SLC39A11: variants seen among roughly 807,000 people sequenced by gnomAD.
The protein encoded by SLC39A11 is solute carrier family 39 member 11, also known as zinc transporter ZIP11.
In SLC39A11, 33 loss-of-function variants were observed where a neutral mutation model predicts 36.1. That is an observed-to-expected ratio of 0.91 (90% CI 0.69 to 1.22). The LOEUF is 1.22. SLC39A11 is among the 50% of genes most tolerant of loss of function. The pLI, the probability that SLC39A11 is intolerant of heterozygous loss-of-function variation, is 0.00. For synonymous variants in SLC39A11, 166 were observed against 170.3 expected, an observed-to-expected ratio of 0.97 and a Z score of 0.20; for missense variants, 432 against 430.3, an observed-to-expected ratio of 1.00 and a Z score of -0.03.
chr17:73,087,988 C>A (rs938839545), intron 2 of SLC39A11, among the ~76,000 whole-genome samples: 24 of 152,234 alleles, frequency 1.6e-4, no homozygotes, highest in Admixed American at 1.1e-3. Flanking sequence ...ACGCATAGTA[C>A]CACTTGCTCC....
chr17:73,032,154 A>G (rs2058757835), intron 3 of SLC39A11, among the ~76,000 whole-genome samples: 1 of 152,038 alleles, frequency 6.6e-6, no homozygotes, highest in Admixed American at 6.6e-5. Flanking sequence ...CCCTGACAAC[A>G]AAGAATTATC....
chr17:72,967,383 A>AGAGAGAGAGAGAGAGG (rs1446616363), intron 4 of SLC39A11, among the ~76,000 whole-genome samples: 3 of 146,310 alleles, frequency 2.1e-5, no homozygotes. Flanking sequence ...AGAGAGAGAG[A>AGAGAGAGAGAGAGAGG]GAGAGAGAGA....
intron 6 of SLC39A11, among the ~76,000 whole-genome samples, chr17:72,783,636 G>A (rs1382148820): frequency 6.6e-6 from 1 of 152,202 alleles, no homozygotes; most frequent in African/African-American, 2.4e-5. Flanking sequence ...CGTATGGATG[G>A]TGTGAAGCCG....
chr17:72,955,849 G>T (rs889650999), intron 4 of SLC39A11, among the ~76,000 whole-genome samples: 1 of 152,118 alleles, frequency 6.6e-6, no homozygotes, highest in Non-Finnish European at 1.5e-5. Flanking sequence ...GGTGCACAGA[G>T]GGGAAGAAAA....
chr17:72,985,046 G>A (rs1405686368), intron 4 of SLC39A11, among the ~76,000 whole-genome samples: 1 of 152,196 alleles, frequency 6.6e-6, no homozygotes. Flanking sequence ...CACACTAGGA[G>A]GCCCAGCCGG....
intron 1 of SLC39A11, chr17:73,091,718 G>T (rs2060929905): frequency 1.3e-5 from 2 of 152,164 alleles, no homozygotes; most frequent in Non-Finnish European, 2.9e-5. Flanking sequence ...AATTCCTCAC[G>T]ATGGGGATAT....
At chr17:72,929,287 A>T (rs1281204674) in intron 5 of SLC39A11, among the ~76,000 whole-genome samples, 1 of 152,176 alleles carries the variant, frequency 6.6e-6, no homozygotes, top group Non-Finnish European at 1.5e-5. Flanking sequence ...TACTACAGGC[A>T]CTTAGGGGCT....
intron 3 of SLC39A11, among the ~76,000 whole-genome samples, chr17:73,073,260 G>C (rs1406058952): frequency 1.3e-5 from 2 of 152,234 alleles, no homozygotes; most frequent in Non-Finnish European, 2.9e-5. Context: ...AGAGTGTGGA[G>C]TGCCAGTGTC....
At position 72,740,227 on chromosome 17, in the gene SLC39A11, T is replaced by C. The variant is rs1448092467; in HGVS notation, c.602-3508A>G. ...ACAGGCGCCCGCCACCACGCCTGGC[T>C]AATTTTTTGTATTTTTTAGTAGAGA... On this transcript the variant is annotated intron_variant, in intron 6 of 9. Coordinates refer to ENST00000255559, the MANE Select transcript of SLC39A11 (RefSeq NM_139177.4). Among the ~76,000 whole-genome samples, 4 of 151,846 alleles carry C rather than the reference T, an allele frequency of 2.6e-5. No individual in the cohort carries two copies. The South Asian group carries it at 8.3e-4, about 32-fold the overall frequency.
intron 6 of SLC39A11, among the ~76,000 whole-genome samples, chr17:72,768,275 T>C (rs981400664): frequency 6.6e-6 from 1 of 152,216 alleles, no homozygotes; most frequent in Non-Finnish European, 1.5e-5. Flanking sequence ...CACAAGGCAG[T>C]TGAGTTTCGG....
intron 6 of SLC39A11, among the ~76,000 whole-genome samples, chr17:72,744,654 G>C (rs1230030390): frequency 1.3e-5 from 2 of 152,094 alleles, no homozygotes; most frequent in Admixed American, 6.6e-5. Flanking sequence ...CTAGCTTCCT[G>C]GTTCACAGAC....
intron 6 of SLC39A11, among the ~76,000 whole-genome samples, chr17:72,741,441 A>C (rs1009615018): frequency 2.6e-5 from 4 of 152,122 alleles, no homozygotes; most frequent in Non-Finnish European, 5.9e-5. Context: ...AACTTTTTAT[A>C]ATTTGTGTAT....
At chr17:72,784,692 C>T (rs1422263286) in intron 6 of SLC39A11, among the ~76,000 whole-genome samples, 2 of 151,828 alleles carry the variant, frequency 1.3e-5, no homozygotes, top group African/African-American at 2.4e-5. Context: ...ACCTCCCCTC[C>T]CCTCTTTCTC....
intron 5 of SLC39A11, among the ~76,000 whole-genome samples, chr17:72,911,711 T>C (rs68074386): frequency 0.22 from 33,931 of 152,092 alleles, 4,644 homozygotes; most frequent in Non-Finnish European, 0.32. Context: ...TGGTGTGATC[T>C]CAGCTCACTG....
At chr17:72,716,182 C>A (rs547689931) in intron 7 of SLC39A11, among the ~76,000 whole-genome samples, 1 of 152,214 alleles carries the variant, frequency 6.6e-6, no homozygotes, top group Non-Finnish European at 1.5e-5. Flanking sequence ...TGGGCAGAGG[C>A]CCCTGGCAGA....
chr17:73,013,038 A>T (rs1018166756), intron 4 of SLC39A11, among the ~76,000 whole-genome samples: 3 of 151,564 alleles, frequency 2.0e-5, no homozygotes, highest in Non-Finnish European at 4.4e-5. Flanking sequence ...ACCTCAGGTG[A>T]TCCACCTGCC....
chr17:72,735,226 C>T (rs188857965), intron 7 of SLC39A11, among the ~76,000 whole-genome samples: 12 of 152,258 alleles, frequency 7.9e-5, no homozygotes, highest in Admixed American at 5.9e-4. Context: ...GGAGCAGGCA[C>T]GCTTCTTAAC....
Position 72,875,091 on chromosome 17 carries a change from A to T in SLC39A11, c.431-25287T>A, listed in dbSNP as rs546297784. On this transcript the variant is annotated intron_variant, in intron 5 of 9. Coordinates refer to ENST00000255559, the MANE Select transcript of SLC39A11 (RefSeq NM_139177.4). ...TAAATCACAGCAAAGAGAGAAAAAG[A>T]GGAGACAGGGTTATTTTGGGAAGAA... Among the ~76,000 whole-genome samples the T allele has an allele frequency of 4.6e-5, 7 of 152,342 alleles. No individual in the cohort carries two copies. In the East Asian group the frequency reaches 1.3e-3, roughly 29 times the overall value.
In SLC39A11 at chr17:72,911,418, TA is replaced by T. The variant is rs75157228; in HGVS notation, c.430+36333del. Among the ~76,000 whole-genome samples, 48 of 132,076 alleles carry T rather than the reference TA, an allele frequency of 3.6e-4. No individual in the cohort carries two copies. In the East Asian group the frequency reaches 4.9e-3, roughly 14 times the overall value. 86.6% of individuals were successfully genotyped at this position (132,076 alleles called of 152,430 possible). A position where few individuals can be genotyped will look rare whatever the true frequency, so the allele number is the denominator to read the frequency against. On this transcript the variant is annotated intron_variant, in intron 5 of 9. Coordinates refer to ENST00000255559, the MANE Select transcript of SLC39A11 (RefSeq NM_139177.4). Reference sequence around the variant, plus strand: ...GTACCCTAAAACTTAAAGTATAATTTAAAAAAAAAAAACTTTACACAAAAAC... The same window carrying T: ...GTACCCTAAAACTTAAAGTATAATTTAAAAAAAAAAACTTTACACAAAAAC...
Sources: allele counts gnomAD v4.1 joint callset (sites outside exome capture counted in the v4.1 genomes callset), GRCh38; gene constraint gnomAD v4.1.1; transcripts MANE v1.5; gene names NCBI Gene and HGNC (gene_info 2026-07-23, HGNC 2026-07-21).